UTS2B: variants seen among roughly 807,000 people sequenced by gnomAD.
UTS2B encodes the protein urotensin 2B.
UTS2B carries 21 observed loss-of-function variants against 19.2 expected under a neutral mutation model. That is an observed-to-expected ratio of 1.09 (90% CI 0.78 to 1.58). The LOEUF is 1.58. Among genes scored for constraint, UTS2B ranks in the 40% most tolerant of loss-of-function variants. UTS2B has a pLI of 0.00. For missense variants in UTS2B, 138 were observed against 130.3 expected (o/e 1.06, Z -0.29); for synonymous variants, 57 against 50.2 (o/e 1.14, Z -0.58).
chr3:191,285,377 C>G (rs1304122791), intron 4 of UTS2B, among the ~76,000 whole-genome samples: 1 of 151,988 alleles, frequency 6.6e-6, no homozygotes, highest in African/African-American at 2.4e-5. Flanking sequence ...AAGCATACCA[C>G]TAGAGATAAA....
chr3:191,297,340 A>G (rs1010603460), intron 4 of UTS2B, among the ~76,000 whole-genome samples: 1 of 151,978 alleles, frequency 6.6e-6, no homozygotes, highest in Non-Finnish European at 1.5e-5. Flanking sequence ...ACCTTTCCTC[A>G]CTGTTCAGTA....
rs562707767 is a variant in UTS2B, at chr3:191,299,445, C to G, written c.-125+5047G>C. Among the ~76,000 whole-genome samples, 5 of 152,338 alleles carry G rather than the reference C, an allele frequency of 3.3e-5. No individual in the cohort carries two copies. In the South Asian group the frequency reaches 1.0e-3, roughly 32 times the overall value. The stretch of plus-strand genomic sequence containing the variant: ...AGCTCCAGCCACGTCTAAAAGGACC[C>G]CAGATACAGCTCAGGCTGCTGCTTC... On this transcript the variant is annotated intron_variant, in intron 4 of 8. Transcript: ENST00000340524.
the UTS2B span, among the ~76,000 whole-genome samples, chr3:191,340,310 AT>A: frequency 1.3e-5 from 2 of 152,356 alleles, no homozygotes; most frequent in Non-Finnish European, 2.9e-5. Context: ...CTTATATACT[AT>A]CATAAAGTCC....
At chr3:191,304,034 AT>A (rs1717070916) in intron 4 of UTS2B, among the ~76,000 whole-genome samples, 1 of 151,874 alleles carries the variant, frequency 6.6e-6, no homozygotes, top group Non-Finnish European at 1.5e-5. Context: ...CAGTGGCGCA[AT>A]CTCGGCTCAC....
chr3:191,289,632 A>T (rs555742704), intron 4 of UTS2B, among the ~76,000 whole-genome samples: 9 of 152,218 alleles, frequency 5.9e-5, no homozygotes, highest in Admixed American at 2.0e-4. Context: ...CATTTGTGAT[A>T]AAATATATAA....
Position 191,282,310 on chromosome 3 carries a change from T to C in UTS2B, c.-121A>G. 1 of 633,944 alleles carries C rather than the reference T, an allele frequency of 1.6e-6. No individual in the cohort carries two copies. Among genetic ancestry groups the C allele is most frequent in the Non-Finnish European group, 2.8e-6 (1 of 361,008 alleles). 39.3% of individuals were successfully genotyped at this position (633,944 alleles called of 1,614,324 possible). Reference sequence around the variant, plus strand: ...AAGGCAAGTGTGCCTCAGTTACGAATGATCTAGATGAAGGAAAAAGAAAGA... The same window carrying C: ...AAGGCAAGTGTGCCTCAGTTACGAACGATCTAGATGAAGGAAAAAGAAAGA... On this transcript the variant is annotated 5_prime_UTR_variant, in exon 5 of 9. Coordinates refer to ENST00000340524, the MANE Select transcript of UTS2B (RefSeq NM_198152.5).
intron 8 of UTS2B, among the ~76,000 whole-genome samples, chr3:191,271,101 G>A (rs1716079673): frequency 1.3e-5 from 2 of 151,438 alleles, no homozygotes; most frequent in Admixed American, 1.3e-4. Context: ...CTACTTGGGT[G>A]GCTGAGGCAG....
In UTS2B at chr3:191,291,539, A is replaced by T. The variant is rs546604833; in HGVS notation, c.-124-9226T>A. Among the ~76,000 whole-genome samples, 856 of 151,956 alleles carry T rather than the reference A, an allele frequency of 5.6e-3. 9 individuals carry two copies. The highest frequency in any genetic ancestry group is 0.02 in the African/African-American group (825 of 41,470). On this transcript the variant is annotated intron_variant, in intron 4 of 8. Coordinates refer to ENST00000340524, the MANE Select transcript of UTS2B (RefSeq NM_198152.5). ...GCCATCTCGGCTCACTGCAAGCTCC[A>T]CCACCTGGGTTCATGCCATTCTCCT... is the stretch of plus-strand genomic sequence containing the variant.
At chr3:191,330,110 G>C (rs1167989522) in intron 1 of UTS2B, among the ~76,000 whole-genome samples, 1 of 151,952 alleles carries the variant, frequency 6.6e-6, no homozygotes. Context: ...AGTGGAGAGG[G>C]GTTGACATTC....
At chr3:191,298,410 C>G (rs1716912765) in intron 4 of UTS2B, among the ~76,000 whole-genome samples, 1 of 152,062 alleles carries the variant, frequency 6.6e-6, no homozygotes, top group South Asian at 2.1e-4. Flanking sequence ...CTCATGAGAT[C>G]TGGTTGTTTA....
intron 3 of UTS2B, among the ~76,000 whole-genome samples, chr3:191,308,025 G>A (rs933828182): frequency 3.3e-5 from 5 of 151,922 alleles, no homozygotes; most frequent in African/African-American, 7.3e-5. Flanking sequence ...TAGTAAGGGC[G>A]GGGTTTCACT....
At chr3:191,332,348 A>C (rs1718017933), upstream of UTS2B, among the ~76,000 whole-genome samples, 1 of 152,226 alleles carries the variant, frequency 6.6e-6, no homozygotes, top group African/African-American at 2.4e-5. Context: ...AATCTCTTAA[A>C]CTGGGAGACA....
At chr3:191,301,876 CCT>C (rs975468185) in intron 4 of UTS2B, among the ~76,000 whole-genome samples, 17 of 152,304 alleles carry the variant, frequency 1.1e-4, no homozygotes, top group African/African-American at 4.1e-4. Context: ...GAGATTTCTT[CCT>C]CTGACAGAAT....
intron 3 of UTS2B, among the ~76,000 whole-genome samples, chr3:191,304,810 C>A (rs1341712378): frequency 6.6e-6 from 1 of 152,104 alleles, no homozygotes; most frequent in Non-Finnish European, 1.5e-5. Flanking sequence ...TTTTCCTGAT[C>A]CTTTCCCTCC....
chr3:191,283,701 A>T (rs1716453050), intron 4 of UTS2B, among the ~76,000 whole-genome samples: 1 of 152,244 alleles, frequency 6.6e-6, no homozygotes, highest in South Asian at 2.1e-4. Context: ...AGGCAAAAAT[A>T]TAACCCCCTT....
the UTS2B span, among the ~76,000 whole-genome samples, chr3:191,337,954 T>C: frequency 5.9e-5 from 9 of 152,144 alleles, no homozygotes; most frequent in Non-Finnish European, 8.8e-5. Flanking sequence ...TATCACCAAA[T>C]TTTTCATCTT....
intron 2 of UTS2B, among the ~76,000 whole-genome samples, chr3:191,324,815 G>T (rs981264554): frequency 4.6e-5 from 7 of 152,170 alleles, no homozygotes; most frequent in Non-Finnish European, 1.0e-4. Flanking sequence ...TTGGGAGGCT[G>T]AGGCAGGTAG....
chr3:191,317,253 T>G (rs894831198), intron 2 of UTS2B, among the ~76,000 whole-genome samples: 3 of 152,200 alleles, frequency 2.0e-5, no homozygotes, highest in Non-Finnish European at 4.4e-5. Context: ...GCTAAGCCCC[T>G]CACTGCCTGG....
rs1716248621 is a variant in UTS2B, at chr3:191,276,828, G to A, written c.219C>T (p.Asn73=). The part of the protein sequence containing the change: ...RPFNTDLALP[N]KLEELNQLEK... ...TCACCTGGTTAAGTTCTTCCAGTTT[G>A]TTAGGTAAGGCTAGGTCTGCAAGAC... Residue 73 remains asparagine, a synonymous_variant, in exon 7 of 9, where the codon AAC becomes AAT. Coordinates refer to ENST00000340524, the MANE Select transcript of UTS2B (RefSeq NM_198152.5). 6.2e-7 allele frequency: 1 copy of A among 1,611,886 alleles called. No individual in the cohort carries two copies. The highest frequency in any genetic ancestry group is 8.5e-7 in the Non-Finnish European group (1 of 1,179,210).
Sources: allele counts gnomAD v4.1 joint callset (sites outside exome capture counted in the v4.1 genomes callset), GRCh38; gene constraint gnomAD v4.1.1; transcripts MANE v1.5; gene names NCBI Gene and HGNC (gene_info 2026-07-23, HGNC 2026-07-21).